Variants in ROBO2 observed in about 807,000 individuals in gnomAD.
ROBO2 encodes the protein roundabout guidance receptor 2.
ROBO2 carries 53 observed loss-of-function variants against 160.8 expected under a neutral mutation model. The ratio of observed to expected loss-of-function variants is 0.33; its 90% CI spans 0.26 to 0.41. The LOEUF (loss-of-function observed/expected upper bound fraction) is 0.41. Ranked by LOEUF, ROBO2 falls within the 10% of genes least tolerant of loss-of-function variation. The pLI is 1.00. For synonymous variants in ROBO2, 664 were observed against 611.7 expected, an observed-to-expected ratio of 1.09 and a Z score of -1.26; for missense variants, 1,577 against 1,722.4, an observed-to-expected ratio of 0.92 and a Z score of 1.49.
chr3:76,195,275 A>G (rs1191048986), intron 2 of ROBO2, among the ~76,000 whole-genome samples: 2 of 152,176 alleles, frequency 1.3e-5, no homozygotes, highest in African/African-American at 2.4e-5. Flanking sequence ...AGGTGAATAT[A>G]AACATGTAGT....
At chr3:76,348,554 G>A (rs2074676418) in intron 2 of ROBO2, among the ~76,000 whole-genome samples, 1 of 152,008 alleles carries the variant, frequency 6.6e-6, no homozygotes, top group African/African-American at 2.4e-5. Context: ...CAAAAGCAAG[G>A]GTAAAAGTTA....
chr3:76,667,113 T>C (rs1400647118), intron 2 of ROBO2, among the ~76,000 whole-genome samples: 1 of 152,116 alleles, frequency 6.6e-6, no homozygotes, highest in East Asian at 1.9e-4. Flanking sequence ...CGGTGAAAAG[T>C]ATGCTTCTTA....
At chr3:76,748,308 A>G (rs1008616331) in intron 2 of ROBO2, among the ~76,000 whole-genome samples, 1 of 151,756 alleles carries the variant, frequency 6.6e-6, no homozygotes, top group Non-Finnish European at 1.5e-5. Flanking sequence ...AAATAAAGAA[A>G]TCAAAATACT....
chr3:76,261,200 GTGTATA>G (rs1189534848), intron 2 of ROBO2, among the ~76,000 whole-genome samples: 73 of 128,678 alleles, frequency 5.7e-4, no homozygotes, highest in Admixed American at 7.9e-4. Context: ...GTGTGTGTGT[GTGTATA>G]TATATATATA....
chr3:77,234,810 T>C (rs1008567674), intron 2 of ROBO2, among the ~76,000 whole-genome samples: 2 of 152,136 alleles, frequency 1.3e-5, no homozygotes, highest in African/African-American at 4.8e-5. Context: ...AGTGTCTGTT[T>C]AGAGCTTATC....
At chr3:76,113,743 C>A (rs1244876942) in intron 2 of ROBO2, among the ~76,000 whole-genome samples, 1 of 152,110 alleles carries the variant, frequency 6.6e-6, no homozygotes, top group Non-Finnish European at 1.5e-5. Flanking sequence ...GTTTTGCCTT[C>A]CAAAACCTCA....
intron 13 of ROBO2, 114 bp from the exon 15 acceptor site, chr3:77,574,385 C>G (rs2093710070): frequency 1.2e-6 from 1 of 835,110 alleles, no homozygotes; most frequent in Admixed American, 2.0e-5. Flanking sequence ...GTCATGACAT[C>G]ACTCAGTTGA....
intron 2 of ROBO2, among the ~76,000 whole-genome samples, chr3:77,219,381 T>C (rs2085420045): frequency 6.7e-6 from 1 of 148,354 alleles, no homozygotes; most frequent in Non-Finnish European, 1.5e-5. Context: ...TTATTAAGCT[T>C]TATTTTATGT....
At position 76,102,229 on chromosome 3, in the gene ROBO2, G is replaced by A. The variant is rs187099268; in HGVS notation, c.109+164627G>A. ...ATCACATCAGATTTTGAAGACTTGC[G>A]TGGAAACAAGGAATGTAAAACATCT... On this transcript the variant is annotated intron_variant, in intron 2 of 26. Coordinates refer to the ROBO2 transcript ENST00000487694. Among the ~76,000 whole-genome samples, 81 of 152,328 alleles carry A rather than the reference G, an allele frequency of 5.3e-4. 1 individual carries two copies. Among genetic ancestry groups the A allele is most frequent in the Middle Eastern group, 3.4e-3 (1 of 294 alleles).
intron 1 of ROBO2, among the ~76,000 whole-genome samples, chr3:77,060,783 C>G (rs561472084): frequency 6.6e-6 from 1 of 152,286 alleles, no homozygotes; most frequent in East Asian, 1.9e-4. Flanking sequence ...AAACATTATT[C>G]TTCCCTCTCT....
chr3:76,010,371 A>G (rs1047234275), intron 2 of ROBO2, among the ~76,000 whole-genome samples: 8 of 152,212 alleles, frequency 5.3e-5, no homozygotes, highest in East Asian at 3.8e-4. Flanking sequence ...AACATGAACA[A>G]TCCTCGGTCC....
intron 2 of ROBO2, among the ~76,000 whole-genome samples, chr3:76,599,603 T>C (rs1421144632): frequency 1.3e-5 from 2 of 152,204 alleles, no homozygotes; most frequent in African/African-American, 4.8e-5. Flanking sequence ...TTTCTATCTT[T>C]AGGTTTTTGA....
rs1371166628 is a variant in ROBO2 at position 76,411,910 on chromosome 3, C to T, written c.109+474308C>T. On this transcript the variant is annotated intron_variant, in intron 2 of 26. Coordinates refer to the ROBO2 transcript ENST00000487694. ...AAATGGGCCATCCTCTGTCTTTTCC[C>T]TTCGCCAAAGGTACTTTTATCCTGT... Among the ~76,000 whole-genome samples the T allele has an allele frequency of 3.3e-5, 5 of 152,262 alleles. No individual in the cohort carries two copies. In the East Asian group the frequency reaches 5.8e-4, roughly 18 times the overall value.
chr3:77,529,870 T>C (rs1364794507), intron 6 of ROBO2, among the ~76,000 whole-genome samples: 1 of 151,954 alleles, frequency 6.6e-6, no homozygotes, highest in Non-Finnish European at 1.5e-5. Context: ...AAAAACTGAA[T>C]GTTGGATATG....
rs1450425428 is a variant in ROBO2, at chr3:76,304,677, T to C, written c.109+367075T>C. ...CACACAGCTAAGTTTGCCCTGATGA[T>C]TTTCTCGTTTTATTTTGTTGTTGTT... On this transcript the variant is annotated intron_variant, in intron 2 of 26. Coordinates refer to the ROBO2 transcript ENST00000487694. Among the ~76,000 whole-genome samples the C allele has an allele frequency of 2.0e-5, 3 of 152,186 alleles. No individual in the cohort carries two copies. In the East Asian group the frequency reaches 5.8e-4, roughly 29 times the overall value.
At chr3:76,029,405 G>A (rs62267217) in intron 2 of ROBO2, among the ~76,000 whole-genome samples, 7,291 of 152,012 alleles carry the variant, frequency 0.048, 405 homozygotes, top group African/African-American at 0.14. Context: ...TAGGGTACAT[G>A]TGCACAATGT....
chr3:76,503,475 C>T (rs181775062), intron 2 of ROBO2, among the ~76,000 whole-genome samples: 40 of 152,246 alleles, frequency 2.6e-4, no homozygotes, highest in African/African-American at 9.4e-4. Context: ...GAAAAAGTAT[C>T]GGTATACTGA....
chr3:76,682,508 A>T (rs2092589568), intron 2 of ROBO2, among the ~76,000 whole-genome samples: 1 of 151,994 alleles, frequency 6.6e-6, no homozygotes, highest in African/African-American at 2.4e-5. Flanking sequence ...TCCTGGGTTC[A>T]AGCAGTTCTC....
Position 76,651,491 on chromosome 3 carries a change from A to G in ROBO2, c.110-446523A>G, listed in dbSNP as rs979692805. ...TTAATTTATATTTGCTGAGTGAATT[A>G]TCTTAAGTTTATTATCTTAATTTAT... is the stretch of plus-strand genomic sequence containing the variant. On this transcript the variant is annotated intron_variant, in intron 2 of 26. Coordinates refer to the ROBO2 transcript ENST00000487694. Among the ~76,000 whole-genome samples the G allele has an allele frequency of 7.2e-5, 11 of 152,306 alleles. 1 individual carries two copies. Among genetic ancestry groups the G allele is most frequent in the African/African-American group, 2.6e-4 (11 of 41,562 alleles).
Sources: gnomAD v4.1 joint callset for allele counts (sites outside exome capture counted in the v4.1 genomes callset) on GRCh38, gnomAD v4.1.1 for gene constraint, MANE v1.5 for transcripts, NCBI Gene and HGNC (gene_info 2026-07-23, HGNC 2026-07-21) for gene names.